CLIC5: variants seen among roughly 807,000 people sequenced by gnomAD.
CLIC5 encodes CLIC family member 5, also known as chloride intracellular channel protein 5.
In CLIC5, 20 loss-of-function variants were observed where a neutral mutation model predicts 24.7. That is an observed-to-expected ratio of 0.81 (90% CI 0.57 to 1.18). CLIC5 has a LOEUF of 1.18. Ranked by LOEUF, CLIC5 falls within the 50% of genes most tolerant of loss-of-function variation. The pLI, the probability that CLIC5 is intolerant of heterozygous loss-of-function variation, is 0.00. For missense variants in CLIC5, 341 were observed against 326.1 expected (o/e 1.05, Z -0.35); for synonymous variants, 159 against 135.6 (o/e 1.17, Z -1.20).
At chr6:46,090,977 T>C in the CLIC5 span, among the ~76,000 whole-genome samples, 1 of 152,238 alleles carries the variant, frequency 6.6e-6, no homozygotes, top group Non-Finnish European at 1.5e-5. Flanking sequence ...TCCAGCTGTT[T>C]AGGTACCTCA....
chr6:46,026,510 C>G (rs1212896520), intron 1 of CLIC5, among the ~76,000 whole-genome samples: 11 of 152,152 alleles, frequency 7.2e-5, no homozygotes, highest in African/African-American at 2.2e-4. Flanking sequence ...ACTGTGCAAT[C>G]TTTTATGATC....
intron 1 of CLIC5, among the ~76,000 whole-genome samples, chr6:46,067,301 A>G (rs1562034048): frequency 6.6e-6 from 1 of 151,942 alleles, no homozygotes; most frequent in Non-Finnish European, 1.5e-5. Flanking sequence ...AGTCTGGTAA[A>G]TTGCCCTTTA....
intron 1 of CLIC5, among the ~76,000 whole-genome samples, chr6:46,037,150 A>G (rs1182105732): frequency 6.6e-6 from 1 of 152,226 alleles, no homozygotes; most frequent in Admixed American, 6.5e-5. Context: ...CATCACTGTC[A>G]TTCTGGCCGG....
the CLIC5 span, among the ~76,000 whole-genome samples, chr6:46,125,168 G>T: frequency 8.5e-5 from 13 of 152,130 alleles, no homozygotes; most frequent in Non-Finnish European, 1.3e-4. Flanking sequence ...CAAAGACTTG[G>T]ATCCAACCCA....
intron 1 of CLIC5, among the ~76,000 whole-genome samples, chr6:46,029,307 C>T (rs1287750105): frequency 2.6e-5 from 4 of 152,182 alleles, no homozygotes; most frequent in African/African-American, 4.8e-5. Context: ...AGCCAGGCAT[C>T]TTCAAACCAT....
chr6:45,909,281 C>T (rs190107127), intron 5 of CLIC5, among the ~76,000 whole-genome samples: 220 of 152,190 alleles, frequency 1.4e-3, no homozygotes, highest in African/African-American at 5.2e-3. Context: ...CATTTACATT[C>T]AAGGTTAATA....
the CLIC5 span, among the ~76,000 whole-genome samples, chr6:46,090,163 G>T: frequency 6.6e-6 from 1 of 152,218 alleles, no homozygotes; most frequent in African/African-American, 2.4e-5. Flanking sequence ...AATTGAAGCT[G>T]ATGGCAGATA....
intron 1 of CLIC5, among the ~76,000 whole-genome samples, chr6:46,024,565 G>A (rs1414886936): frequency 2.6e-5 from 4 of 152,164 alleles, no homozygotes; most frequent in Admixed American, 6.5e-5. Context: ...TACATAGAGA[G>A]GAAGCCCAAG....
chr6:46,063,629 A>C (rs1015782355), intron 1 of CLIC5, among the ~76,000 whole-genome samples: 5 of 152,206 alleles, frequency 3.3e-5, no homozygotes, highest in African/African-American at 1.2e-4. Context: ...CTGCATGTGC[A>C]TGGGAGAAAA....
chr6:46,028,154 T>C (rs1767393959), intron 1 of CLIC5, among the ~76,000 whole-genome samples: 1 of 152,154 alleles, frequency 6.6e-6, no homozygotes, highest in South Asian at 2.1e-4. Context: ...TCTGCCTTAC[T>C]CATAAGCACT....
Position 46,015,506 on chromosome 6 carries a change from C to A in CLIC5, c.37G>T (p.Asp13Tyr). The change falls in exon 1 of 6, where the codon GAC (aspartate) becomes TAC (tyrosine). Residue 13 changes from aspartate (D) to tyrosine (Y), a missense_variant. Transcript: ENST00000339561. ...DSATANGDDR[D>Y]PEIELFVKAG... ...TTCACAAAGAGCTCGATCTCGGGGT[C>A]CCTGTCGTCCCCGTTAGCTGTCGCC... The A allele has an allele frequency of 6.4e-7, 1 of 1,571,402 alleles. No individual in the cohort carries two copies. The highest frequency in any genetic ancestry group is 8.6e-7 in the Non-Finnish European group (1 of 1,160,036).
chr6:46,064,552 TACATATCAACA>T (rs1261013660), intron 1 of CLIC5, among the ~76,000 whole-genome samples: 6 of 152,126 alleles, frequency 3.9e-5, no homozygotes, highest in East Asian at 1.9e-4. Context: ...TACAACATTC[TACATATCAACA>T]ACATATCAAC....
chr6:46,080,131 C>T (rs2127479520), exon 1 of CLIC5: 2 of 1,551,702 alleles, frequency 1.3e-6, no homozygotes, highest in South Asian at 1.2e-5. Context: ...CTTAAGTACT[C>T]ATGGACATCA....
chr6:45,979,751 TA>T (rs1264266337), intron 1 of CLIC5, among the ~76,000 whole-genome samples: 1 of 152,228 alleles, frequency 6.6e-6, no homozygotes, highest in East Asian at 1.9e-4. Flanking sequence ...ACACTACTTA[TA>T]AACCATTACA....
At chr6:46,119,349 C>A in the CLIC5 span, among the ~76,000 whole-genome samples, 28 of 152,356 alleles carry the variant, frequency 1.8e-4, no homozygotes, top group African/African-American at 6.7e-4. Context: ...ATAGCAATTA[C>A]CTCACTTGAT....
the CLIC5 span, among the ~76,000 whole-genome samples, chr6:46,124,641 C>T: frequency 6.6e-5 from 10 of 152,304 alleles, no homozygotes; most frequent in Non-Finnish European, 1.3e-4. Flanking sequence ...GAATGGGCAA[C>T]CTACAGAATG....
At chr6:45,881,335 T>A in intron 6 of CLIC5, 1 of 392,860 alleles carries the variant, frequency 2.5e-6, no homozygotes, top group Non-Finnish European at 4.5e-6. Flanking sequence ...ACAGCATTCA[T>A]AAAGGTAAAG....
intron 1 of CLIC5, among the ~76,000 whole-genome samples, chr6:46,064,627 A>G (rs1762391357): frequency 6.6e-6 from 1 of 152,210 alleles, no homozygotes; most frequent in African/African-American, 2.4e-5. Flanking sequence ...TTAGAAGTCT[A>G]TAAAATAATA....
At chr6:46,120,094 C>T in the CLIC5 span, among the ~76,000 whole-genome samples, 1 of 152,226 alleles carries the variant, frequency 6.6e-6, no homozygotes, top group African/African-American at 2.4e-5. Context: ...GTGGTTCTCC[C>T]AGCATGCAGT....
Sources: gnomAD v4.1 joint callset for allele counts (sites outside exome capture counted in the v4.1 genomes callset) on GRCh38, gnomAD v4.1.1 for gene constraint, MANE v1.5 for transcripts, NCBI Gene and HGNC (gene_info 2026-07-23, HGNC 2026-07-21) for gene names.